The following FRMD4A variants were observed in gnomAD, a reference collection of about 807,000 sequenced individuals.
FRMD4A encodes FERM domain containing 4A.
Under a neutral mutation model 129.1 loss-of-function variants are expected in FRMD4A, and 29 were observed. The observed-to-expected ratio is 0.22, with a 90% CI of 0.17 to 0.31. The LOEUF is 0.31. Ranked by LOEUF, FRMD4A falls within the 10% of genes least tolerant of loss-of-function variation. FRMD4A has a pLI of 1.00. For missense variants in FRMD4A, 1,272 were observed against 1,375.8 expected (o/e 0.92, Z 1.19); for synonymous variants, 634 against 571.6 (o/e 1.11, Z -1.56).
rs201939406 is a variant in FRMD4A, at chr10:13,747,521, C to A, written c.548+215G>T. On this transcript the variant is annotated intron_variant, in intron 9 of 24. Transcript: ENST00000357447. ...TCCAGCCTGGGTGACAAAGTGAGAT[C>A]CGTCTCAAAAAAAAAAATTAATTAA... Among the ~76,000 whole-genome samples the A allele has an allele frequency of 8.2e-4, 50 of 60,902 alleles. No homozygotes were observed. In the East Asian group the frequency reaches 0.023, roughly 28 times the overall value. 40.0% of individuals were successfully genotyped at this position (60,902 alleles called of 152,430 possible).
chr10:13,774,284 C>T lies in FRMD4A; in HGVS notation c.384+8638G>A, dbSNP rs547347273. Among the ~76,000 whole-genome samples, 4 of 152,198 alleles carry T rather than the reference C, an allele frequency of 2.6e-5. No homozygotes were observed. In the East Asian group the frequency reaches 5.8e-4, roughly 22 times the overall value. On this transcript the variant is annotated intron_variant, in intron 6 of 24. Transcript: ENST00000357447. ...GGAAGGGAAGAGAAAGTGAGAGGGG[C>T]GTCTGCTGTGGCCATGCCTCCTGCC... is the stretch of plus-strand genomic sequence containing the variant.
chr10:13,819,363 C>T (rs1237824719), intron 3 of FRMD4A, among the ~76,000 whole-genome samples: 1 of 152,064 alleles, frequency 6.6e-6, no homozygotes, highest in Non-Finnish European at 1.5e-5. Context: ...TCTCCCCCTC[C>T]CCCTTCCCAT....
intron 2 of FRMD4A, among the ~76,000 whole-genome samples, chr10:13,943,221 C>T (rs1012457755): frequency 6.6e-6 from 1 of 152,122 alleles, no homozygotes; most frequent in Non-Finnish European, 1.5e-5. Context: ...ATCTCCTATT[C>T]CAGTGGTCTC....
chr10:13,777,539 G>A (rs1451302540), intron 6 of FRMD4A, among the ~76,000 whole-genome samples: 10 of 152,104 alleles, frequency 6.6e-5, no homozygotes, highest in Non-Finnish European at 1.5e-4. Flanking sequence ...GTGACATTCA[G>A]CATGTGGGCT....
chr10:13,711,591 G>T (rs747738912), intron 12 of FRMD4A, among the ~76,000 whole-genome samples: 15 of 152,186 alleles, frequency 9.9e-5, no homozygotes, highest in Admixed American at 6.5e-5. Context: ...TAACGCCTAT[G>T]GCCAATTATA....
chr10:13,943,646 CAAAAAAAAAAAAAAAAAAAAAA>C (rs55774636), intron 2 of FRMD4A, among the ~76,000 whole-genome samples: 2 of 58,268 alleles, frequency 3.4e-5, no homozygotes, highest in East Asian at 8.3e-4. Flanking sequence ...GACTCTGTCT[CAAAAAAAAAAAAAAAAAAAAAA>C]AAAAAAAAAA....
In FRMD4A at chr10:14,045,789, A is replaced by C. The variant is rs1196293301; in HGVS notation, c.46-186877T>G. On this transcript the variant is annotated intron_variant, in intron 2 of 24. Transcript: ENST00000357447. ...TAATATATATCTATAATCATATTAT[A>C]TATGATATAATTATATAGAATAGAT... is the stretch of plus-strand genomic sequence containing the variant. Among the ~76,000 whole-genome samples, 6 of 145,746 alleles carry C rather than the reference A, an allele frequency of 4.1e-5. No individual in the cohort carries two copies. The East Asian group carries it at 1.2e-3, about 28-fold the overall frequency.
chr10:14,274,645 G>T (rs572385814), intron 2 of FRMD4A, among the ~76,000 whole-genome samples: 18 of 152,274 alleles, frequency 1.2e-4, no homozygotes, highest in Admixed American at 1.0e-3. Flanking sequence ...CTGAACCTCC[G>T]CCAGGGACGC....
At chr10:14,040,199 G>C (rs994965604) in intron 2 of FRMD4A, among the ~76,000 whole-genome samples, 1 of 152,026 alleles carries the variant, frequency 6.6e-6, no homozygotes, top group South Asian at 2.1e-4. Flanking sequence ...CTGGCTCCGG[G>C]GTCAGTGATA....
chr10:14,282,357 A>C (rs1845548843), intron 2 of FRMD4A, among the ~76,000 whole-genome samples: 1 of 152,190 alleles, frequency 6.6e-6, no homozygotes, highest in Non-Finnish European at 1.5e-5. Context: ...TTACTAAGTC[A>C]ACTCTCCTGC....
intron 2 of FRMD4A, among the ~76,000 whole-genome samples, chr10:14,038,985 G>A (rs906763220): frequency 2.0e-5 from 3 of 152,280 alleles, no homozygotes; most frequent in Middle Eastern, 3.4e-3. Flanking sequence ...TGTGGACACC[G>A]TTAATTTCTC....
At chr10:13,996,053 G>A (rs1041680728) in intron 2 of FRMD4A, among the ~76,000 whole-genome samples, 1 of 152,054 alleles carries the variant, frequency 6.6e-6, no homozygotes. Context: ...AGGCAGATTC[G>A]GTGCCTGGGG....
intron 2 of FRMD4A, among the ~76,000 whole-genome samples, chr10:14,056,179 G>A (rs542424147): frequency 9.9e-5 from 15 of 152,116 alleles, no homozygotes; most frequent in Non-Finnish European, 1.6e-4. Context: ...TTACAGGCAC[G>A]TGCCACCACA....
intron 2 of FRMD4A, among the ~76,000 whole-genome samples, chr10:14,206,051 G>C (rs1842773219): frequency 6.6e-6 from 1 of 152,118 alleles, no homozygotes; most frequent in Non-Finnish European, 1.5e-5. Context: ...TTTCCCATGG[G>C]CCAGCCCCCT....
At chr10:14,048,391 G>T (rs892287671) in intron 2 of FRMD4A, among the ~76,000 whole-genome samples, 7 of 152,118 alleles carry the variant, frequency 4.6e-5, no homozygotes, top group Admixed American at 4.6e-4. Flanking sequence ...GATTTTTTGG[G>T]AACTCCCCAC....
chr10:13,947,217 G>A (rs538588139), intron 2 of FRMD4A, among the ~76,000 whole-genome samples: 7 of 152,274 alleles, frequency 4.6e-5, no homozygotes, highest in South Asian at 2.1e-4. Flanking sequence ...AGTTGACTAC[G>A]TGGATGCTAT....
chr10:13,890,500 G>A lies in FRMD4A; in HGVS notation c.46-31588C>T, dbSNP rs1004504599. The A allele has an allele frequency of 4.1e-6, 4 of 973,248 alleles. No individual in the cohort carries two copies. In the Admixed American group the frequency reaches 2.5e-4, roughly 60 times the overall value. 60.3% of individuals were successfully genotyped at this position (973,248 alleles called of 1,614,324 possible). On this transcript the variant is annotated intron_variant, in intron 2 of 24. Coordinates refer to ENST00000357447, the MANE Select transcript of FRMD4A (RefSeq NM_018027.5). ...TTACGGATGCAGAGGTGGAAGGGGGGTACCAGCAGCTGAACCCTCAATCAG... is the reference window on the plus strand; with the variant it reads ...TTACGGATGCAGAGGTGGAAGGGGGATACCAGCAGCTGAACCCTCAATCAG...
intron 2 of FRMD4A, among the ~76,000 whole-genome samples, chr10:14,266,155 C>T (rs965772981): frequency 3.6e-5 from 5 of 139,082 alleles, no homozygotes; most frequent in Non-Finnish European, 7.8e-5. Flanking sequence ...AATTCTTTGT[C>T]CTGGGGGTGG....
intron 2 of FRMD4A, among the ~76,000 whole-genome samples, chr10:14,054,250 G>T (rs1331398257): frequency 1.3e-5 from 2 of 152,114 alleles, no homozygotes; most frequent in Non-Finnish European, 2.9e-5. Flanking sequence ...CTGGTTCTTT[G>T]TCTCTGGCCT....
Sources: allele counts gnomAD v4.1 joint callset (sites outside exome capture counted in the v4.1 genomes callset), GRCh38; gene constraint gnomAD v4.1.1; transcripts MANE v1.5; gene names NCBI Gene and HGNC (gene_info 2026-07-23, HGNC 2026-07-21).